PHACTR1: variants seen among roughly 807,000 people sequenced by gnomAD.
The protein encoded by PHACTR1 is phosphatase and actin regulator 1, also known as RPEL repeat containing 1.
Under a neutral mutation model 69.2 loss-of-function variants are expected in PHACTR1, and 16 were observed. The observed-to-expected ratio is 0.23, with a 90% confidence interval of 0.16 to 0.35. The LOEUF (loss-of-function observed/expected upper bound fraction) is 0.35. Ranked by LOEUF, PHACTR1 falls within the 10% of genes least tolerant of loss-of-function variation. The pLI is 1.00. For synonymous variants in PHACTR1, 312 were observed against 284.5 expected, an observed-to-expected ratio of 1.10 and a Z score of -0.97; for missense variants, 510 against 734.7, an observed-to-expected ratio of 0.69 and a Z score of 3.54.
At chr6:12,954,615 G>A (rs1791663862) in intron 4 of PHACTR1, among the ~76,000 whole-genome samples, 1 of 152,088 alleles carries the variant, frequency 6.6e-6, no homozygotes, top group African/African-American at 2.4e-5. Context: ...CTGAGCTTGG[G>A]CAACTGGGGC....
chr6:13,168,518 A>G (rs1360812420), intron 6 of PHACTR1, among the ~76,000 whole-genome samples: 1 of 152,240 alleles, frequency 6.6e-6, no homozygotes, highest in South Asian at 2.1e-4. Context: ...CAGGAATACT[A>G]GGAAGGCCAA....
intron 4 of PHACTR1, among the ~76,000 whole-genome samples, chr6:12,977,047 C>A (rs570406301): frequency 1.7e-3 from 265 of 152,172 alleles, no homozygotes; most frequent in Non-Finnish European, 3.0e-3. Context: ...CTCACTGCAA[C>A]CTCTGCCTCC....
chr6:12,759,122 CAAA>C (rs1229879368), intron 4 of PHACTR1, among the ~76,000 whole-genome samples: 577 of 51,448 alleles, frequency 0.011, 1 homozygote, highest in African/African-American at 0.03. Flanking sequence ...GACTCCACCT[CAAA>C]AAAAAAAAAA....
rs374447002 is a variant in PHACTR1, at chr6:13,246,111, A to G, written c.1391+15918A>G. ...CTGACCCAGTCGGTGCTTAAAATTA[A>G]TATCTCTCAAAAAAGAGAGAGAAAT... is the stretch of plus-strand genomic sequence containing the variant. On this transcript the variant is annotated intron_variant, in intron 10 of 14. Transcript: ENST00000332995. The surrounding 1 kb of genome is among the most constrained non-coding windows in gnomAD (Gnocchi z 4.2). 6.6e-6 allele frequency among the ~76,000 whole-genome samples: 1 copy of G among 152,238 alleles called. No homozygotes were observed. Among genetic ancestry groups the G allele is most frequent in the Admixed American group, 6.5e-5 (1 of 15,288 alleles).
rs559136321 is a variant in PHACTR1, at chr6:12,729,078, T to C, written c.103+10231T>C. Among the ~76,000 whole-genome samples the C allele has an allele frequency of 2.2e-4, 33 of 152,280 alleles. No individual in the cohort carries two copies. In the South Asian group the frequency reaches 6.2e-3, roughly 29 times the overall value. On this transcript the variant is annotated intron_variant, in intron 3 of 14. Coordinates refer to ENST00000332995, the MANE Select transcript of PHACTR1 (RefSeq NM_030948.6). ...TAATTTTGTCAAGCCTCAGAGGAAA[T>C]AGGCAGGGCTTCTGCTTCCCAAGAG...
chr6:12,833,499 T>G (rs1185199793), intron 4 of PHACTR1, among the ~76,000 whole-genome samples: 1 of 152,222 alleles, frequency 6.6e-6, no homozygotes, highest in African/African-American at 2.4e-5. Flanking sequence ...CTTCAGGTGA[T>G]CTGCCCGCCT....
At chr6:13,025,491 C>T (rs79613269) in intron 4 of PHACTR1, among the ~76,000 whole-genome samples, 3,174 of 152,212 alleles carry the variant, frequency 0.021, 50 homozygotes, top group Middle Eastern at 0.041. Context: ...AAAAGTTGTT[C>T]CCTGCTGTCC....
intron 4 of PHACTR1, chr6:12,957,943 G>A: frequency 1.0e-6 from 1 of 985,324 alleles, no homozygotes; most frequent in Non-Finnish European, 1.2e-6. Context: ...GGAGACTGTT[G>A]CTCAATTTAA....
chr6:13,001,216 C>T lies in PHACTR1; in HGVS notation c.251-52149C>T, dbSNP rs571705766. ...TTGATGGATTTTTAGTTGTGAAAATCAATAATGAAAGAGGTTGTTACTTTA... is the reference window on the plus strand; with the variant it reads ...TTGATGGATTTTTAGTTGTGAAAATTAATAATGAAAGAGGTTGTTACTTTA... On this transcript the variant is annotated intron_variant, in intron 4 of 14. Transcript: ENST00000332995. 2.6e-5 allele frequency among the ~76,000 whole-genome samples: 4 copies of T among 152,184 alleles called. No individual in the cohort carries two copies. The South Asian group carries it at 8.3e-4, about 32-fold the overall frequency.
Position 13,129,516 on chromosome 6 carries a change from A to G in PHACTR1, c.416-30688A>G, listed in dbSNP as rs111267499. On this transcript the variant is annotated intron_variant, in intron 5 of 14. Transcript: ENST00000332995. ...AGTGATCAGGAGTAGCTATTCTTGTATCAGACAAAACAGACTTTAAAGCAA... is the reference window on the plus strand; with the variant it reads ...AGTGATCAGGAGTAGCTATTCTTGTGTCAGACAAAACAGACTTTAAAGCAA... Among the ~76,000 whole-genome samples, 395 of 152,284 alleles carry G rather than the reference A, an allele frequency of 2.6e-3. 1 individual carries two copies. Among genetic ancestry groups the G allele is most frequent in the African/African-American group, 9.0e-3 (373 of 41,580 alleles).
chr6:13,268,668 G>C (rs536832181), intron 10 of PHACTR1, among the ~76,000 whole-genome samples: 17 of 152,236 alleles, frequency 1.1e-4, no homozygotes, highest in Non-Finnish European at 2.5e-4. Flanking sequence ...GTTCAGAGCA[G>C]AGCCTGGACT....
chr6:13,012,066 C>T (rs1799511844), intron 4 of PHACTR1, among the ~76,000 whole-genome samples: 1 of 152,192 alleles, frequency 6.6e-6, no homozygotes, highest in African/African-American at 2.4e-5. Context: ...CAAGAGGGAT[C>T]GAGATCTAAT....
intron 6 of PHACTR1, among the ~76,000 whole-genome samples, chr6:13,162,546 G>A (rs1561923414): frequency 6.6e-6 from 1 of 152,044 alleles, no homozygotes; most frequent in Non-Finnish European, 1.5e-5. Flanking sequence ...ATAAGCACCC[G>A]AGTGCTTAAA....
intron 5 of PHACTR1, among the ~76,000 whole-genome samples, chr6:13,154,172 T>C (rs980845149): frequency 7.9e-5 from 12 of 152,170 alleles, no homozygotes; most frequent in Non-Finnish European, 1.6e-4. Flanking sequence ...TTTTATTTTA[T>C]TTTGTTTTTT....
chr6:12,917,729 T>C (rs1301100829), intron 4 of PHACTR1, among the ~76,000 whole-genome samples: 1 of 152,130 alleles, frequency 6.6e-6, no homozygotes, highest in African/African-American at 2.4e-5. Context: ...CACTCCAGCC[T>C]GGGCAACAGC....
intron 10 of PHACTR1, among the ~76,000 whole-genome samples, chr6:13,247,505 C>G (rs1313207119): frequency 6.6e-6 from 1 of 152,124 alleles, no homozygotes; most frequent in Non-Finnish European, 1.5e-5. Flanking sequence ...GCCACCATGC[C>G]TGGCTAATTT....
intron 5 of PHACTR1, among the ~76,000 whole-genome samples, chr6:13,074,452 C>A (rs576476564): frequency 1.3e-5 from 2 of 152,208 alleles, no homozygotes; most frequent in South Asian, 4.1e-4. Flanking sequence ...TTTTGGAATA[C>A]AATGTGGCAA....
At chr6:13,113,838 A>G (rs149936100) in intron 5 of PHACTR1, among the ~76,000 whole-genome samples, 72 of 152,334 alleles carry the variant, frequency 4.7e-4, no homozygotes, top group Non-Finnish European at 9.0e-4. Context: ...TGCAGGCCCT[A>G]TGATAGTTCT....
At chr6:13,195,794 G>A (rs1473941521) in intron 7 of PHACTR1, among the ~76,000 whole-genome samples, 1 of 102,710 alleles carries the variant, frequency 9.7e-6, no homozygotes, top group Non-Finnish European at 2.1e-5. Context: ...CATTTGTGGT[G>A]GTAAGAAGAG....
Sources: allele counts gnomAD v4.1 joint callset (sites outside exome capture counted in the v4.1 genomes callset), GRCh38; gene constraint gnomAD v4.1.1; non-coding constraint Gnocchi (gnomAD v3.1); transcripts MANE v1.5; gene names NCBI Gene and HGNC (gene_info 2026-07-23, HGNC 2026-07-21).